SCTR: variants seen among roughly 807,000 people sequenced by gnomAD.
SCTR encodes pancreatic secretin receptor.
SCTR carries 56 observed loss-of-function variants against 60.8 expected under a neutral mutation model. That is an observed-to-expected ratio of 0.92 (90% CI 0.74 to 1.15). The LOEUF is 1.15. SCTR is among the 50% of genes most tolerant of loss of function. The probability of loss-of-function intolerance (pLI) is 0.00; values close to 1 mark genes in which losing one functional copy is unlikely to be tolerated. For missense variants in SCTR, 562 were observed against 550.4 expected, an observed-to-expected ratio of 1.02 and a Z score of -0.21; for synonymous variants, 202 against 217.0, an observed-to-expected ratio of 0.93 and a Z score of 0.61.
chr2:119,477,976 G>C (rs1029071598), intron 3 of SCTR, among the ~76,000 whole-genome samples: 1 of 152,212 alleles, frequency 6.6e-6, no homozygotes, highest in Non-Finnish European at 1.5e-5. Context: ...ATGTACAGCA[G>C]AATTATGGTG....
chr2:119,524,284 G>A lies in SCTR; in HGVS notation c.-58C>T, dbSNP rs967098166. ...GTCCGCCTGCCCGTGCCCTCTGCCC[G>A]CTCGGGAGCTCAGCGCCCCGCGCAG... is the stretch of plus-strand genomic sequence containing the variant. On this transcript the variant is annotated 5_prime_UTR_variant, in exon 1 of 13. Coordinates refer to ENST00000019103, the MANE Select transcript of SCTR (RefSeq NM_002980.3). 5 of 1,176,088 alleles carry A rather than the reference G, an allele frequency of 4.3e-6. No homozygotes were observed. The highest frequency in any genetic ancestry group is 4.5e-6 in the Non-Finnish European group (4 of 895,874). The allele number at this position is 1,176,088 out of a possible 1,614,324, so 72.9% of individuals were successfully genotyped here.
intron 11 of SCTR, 63 bp downstream of exon 11, chr2:119,446,696 C>T: frequency 7.3e-7 from 1 of 1,368,500 alleles, no homozygotes; most frequent in Non-Finnish European, 9.6e-7. Flanking sequence ...ATGCCCTCCA[C>T]TTCTCCCTAA....
intron 9 of SCTR, among the ~76,000 whole-genome samples, chr2:119,450,078 A>AAAATAAAT (rs140544177): frequency 3.7e-4 from 54 of 145,142 alleles, no homozygotes; most frequent in African/African-American, 1.1e-3. Flanking sequence ...GAAAGAAAGA[A>AAAATAAAT]AAATAAATAA....
chr2:119,459,647 T>C (rs1320065040), intron 7 of SCTR, among the ~76,000 whole-genome samples: 1 of 152,146 alleles, frequency 6.6e-6, no homozygotes, highest in Non-Finnish European at 1.5e-5. Context: ...TATATGTCAC[T>C]CAATTCTCAG....
At chr2:119,518,010 G>C (rs1019695427) in intron 1 of SCTR, among the ~76,000 whole-genome samples, 1 of 152,060 alleles carries the variant, frequency 6.6e-6, no homozygotes, top group Non-Finnish European at 1.5e-5. Context: ...ATACCAGAAA[G>C]GTGTTTCCCT....
chr2:119,524,218 G>C lies in SCTR; in HGVS notation c.9C>G (p.Pro3=), dbSNP rs1679380149. MR[P]HLSPPLQQLL... is the part of the protein sequence containing the mutation. The stretch of plus-strand genomic sequence containing the variant: ...GCTGCTGCAGCGGCGGCGACAGGTG[G>C]GGACGCATGGTGCCCGCACGTTCCC... Residue 3 remains proline, a synonymous_variant, in exon 1 of 13, where the codon CCC becomes CCG. Transcript: ENST00000019103. 1 of 1,505,742 alleles carries C rather than the reference G, an allele frequency of 6.6e-7. No individual in the cohort carries two copies. The highest frequency in any genetic ancestry group is 1.2e-5 in the South Asian group (1 of 80,458). 93.3% of individuals were successfully genotyped at this position (1,505,742 alleles called of 1,614,324 possible).
intron 9 of SCTR, among the ~76,000 whole-genome samples, chr2:119,451,323 C>G (rs1478514516): frequency 6.6e-6 from 1 of 152,186 alleles, no homozygotes; most frequent in Non-Finnish European, 1.5e-5. Flanking sequence ...TACCCATGGG[C>G]TGGGCTACAG....
chr2:119,502,701 G>A (rs1162564490), intron 1 of SCTR, among the ~76,000 whole-genome samples: 4 of 151,964 alleles, frequency 2.6e-5, no homozygotes, highest in Non-Finnish European at 5.9e-5. Context: ...ATAAAATAAA[G>A]GAATGAGCTG....
intron 3 of SCTR, among the ~76,000 whole-genome samples, chr2:119,477,262 T>C (rs1677368135): frequency 6.6e-6 from 1 of 152,156 alleles, no homozygotes; most frequent in East Asian, 1.9e-4. Flanking sequence ...AGTGGGATCC[T>C]TCCCAGGCCC....
intron 11 of SCTR, among the ~76,000 whole-genome samples, 161 bp downstream of exon 11, chr2:119,446,598 A>T (rs1027831993): frequency 6.6e-6 from 1 of 152,044 alleles, no homozygotes; most frequent in African/African-American, 2.4e-5. Flanking sequence ...GGGACCAGGG[A>T]TCCCACTCAG....
chr2:119,473,427 C>T (rs202037263), intron 4 of SCTR, 26 bp downstream of exon 4: 108 of 1,538,086 alleles, frequency 7.0e-5, no homozygotes, highest in Non-Finnish European at 8.8e-5. Context: ...TCCCCGGGTT[C>T]GTGGGGTGGA....
At chr2:119,500,574 A>T (rs1303133475) in intron 1 of SCTR, among the ~76,000 whole-genome samples, 1 of 152,252 alleles carries the variant, frequency 6.6e-6, no homozygotes, top group Non-Finnish European at 1.5e-5. Context: ...ATTTGTGGCA[A>T]CACAGTTGGA....
chr2:119,468,745 C>T (rs904066179), intron 4 of SCTR, among the ~76,000 whole-genome samples: 1 of 152,136 alleles, frequency 6.6e-6, no homozygotes, highest in African/African-American at 2.4e-5. Flanking sequence ...TTTGGAGAGG[C>T]TAGGCATGTT....
intron 11 of SCTR, among the ~76,000 whole-genome samples, chr2:119,442,785 G>A (rs550214552): frequency 1.3e-5 from 2 of 152,240 alleles, no homozygotes; most frequent in East Asian, 3.9e-4. Context: ...GGGGGCATCA[G>A]CAGCTTTTAA....
chr2:119,445,118 A>C (rs774277847), intron 11 of SCTR, among the ~76,000 whole-genome samples: 1 of 152,018 alleles, frequency 6.6e-6, no homozygotes, highest in Non-Finnish European at 1.5e-5. Flanking sequence ...AGTAGTCCAC[A>C]GTCCCAACCA....
At chr2:119,510,826 T>C (rs567250773) in intron 1 of SCTR, among the ~76,000 whole-genome samples, 62 of 152,196 alleles carry the variant, frequency 4.1e-4, no homozygotes, top group African/African-American at 1.4e-3. Context: ...TTCCCTTCCA[T>C]AACCTTTACC....
rs529272583 is a variant in SCTR at position 119,507,486 on chromosome 2, A to G, written c.73-12938T>C. Among the ~76,000 whole-genome samples, 5 of 152,234 alleles carry G rather than the reference A, an allele frequency of 3.3e-5. 1 individual carries two copies. In the South Asian group the frequency reaches 1.0e-3, roughly 32 times the overall value. ...CAGAGCTGCCATTTGTCAGGGGAAT[A>G]GGGGAAGAACTCGTCCCCTGGCTGT... On this transcript the variant is annotated intron_variant, in intron 1 of 12. Coordinates refer to ENST00000019103, the MANE Select transcript of SCTR (RefSeq NM_002980.3).
chr2:119,446,550 C>T (rs56371221), intron 11 of SCTR, among the ~76,000 whole-genome samples: 1 of 152,160 alleles, frequency 6.6e-6, no homozygotes, highest in South Asian at 2.1e-4. Context: ...GTCTCTCTGT[C>T]TCTCTTAGTT....
At chr2:119,481,303 C>T (rs573443079) in intron 2 of SCTR, among the ~76,000 whole-genome samples, 2 of 152,234 alleles carry the variant, frequency 1.3e-5, no homozygotes, top group Admixed American at 6.5e-5. Context: ...TGTCCTTGAC[C>T]CCTTCATCCC....
Sources: allele counts gnomAD v4.1 joint callset (sites outside exome capture counted in the v4.1 genomes callset), GRCh38; gene constraint gnomAD v4.1.1; transcripts MANE v1.5; gene names NCBI Gene and HGNC (gene_info 2026-07-23, HGNC 2026-07-21).